Variants in GMFG observed in about 807,000 individuals in gnomAD.
GMFG encodes the protein glia maturation factor gamma.
Under a neutral mutation model 26.1 loss-of-function variants are expected in GMFG, and 21 were observed. The ratio of observed to expected loss-of-function variants is 0.80; its 90% confidence interval spans 0.57 to 1.16. The LOEUF (loss-of-function observed/expected upper bound fraction) is 1.16. Ranked by LOEUF, GMFG falls within the 50% of genes most tolerant of loss-of-function variation. GMFG has a pLI of 0.00. For synonymous variants in GMFG, 65 were observed against 60.8 expected (o/e 1.07, Z -0.32); for missense variants, 161 against 178.3 (o/e 0.90, Z 0.55).
At chr19:39,328,734 C>G (rs2075213735) in intron 6 of GMFG, 186 bp from the exon 7 acceptor site, 2 of 610,714 alleles carry the variant, frequency 3.3e-6, no homozygotes, top group East Asian at 5.6e-5. Context: ...CAAAAAGTAG[C>G]CAGGTGTGGT....
In GMFG at chr19:39,335,823, C is replaced by T. The variant is rs570182585; in HGVS notation, c.3+151G>A. On this transcript the variant is annotated intron_variant, in intron 1 of 6. Coordinates refer to ENST00000597595, the MANE Select transcript of GMFG (RefSeq NM_004877.4). ...GAGCCTAAACCCAGAGCCACTGTCTCTCTGTTCTTCCAGCCGGGCTGTTCA... is the reference window on the plus strand; with the variant it reads ...GAGCCTAAACCCAGAGCCACTGTCTTTCTGTTCTTCCAGCCGGGCTGTTCA... 4.8e-5 allele frequency: 34 copies of T among 704,476 alleles called. No homozygotes were observed. In the East Asian group the frequency reaches 8.9e-4, roughly 18 times the overall value. The allele number at this position is 704,476 out of a possible 1,614,324, so 43.6% of individuals were successfully genotyped here. A position where few individuals can be genotyped will look rare whatever the true frequency, so the allele number is the denominator to read the frequency against.
At chr19:39,331,191 G>A (rs1464061253) in intron 4 of GMFG, among the ~76,000 whole-genome samples, 1 of 152,178 alleles carries the variant, frequency 6.6e-6, no homozygotes, top group Non-Finnish European at 1.5e-5. Context: ...GAAACCCAAG[G>A]ACAGCAGCGG....
At chr19:39,332,432 G>C (rs960352676) in intron 4 of GMFG, among the ~76,000 whole-genome samples, 4 of 151,278 alleles carry the variant, frequency 2.6e-5, no homozygotes, top group African/African-American at 9.7e-5. Flanking sequence ...GCTCCCAAAG[G>C]GCTGAGATTA....
At chr19:39,335,139 C>T in intron 3 of GMFG, 122 bp downstream of exon 3, 1 of 759,682 alleles carries the variant, frequency 1.3e-6, no homozygotes, top group Non-Finnish European at 2.2e-6. Flanking sequence ...GCATGAGCCA[C>T]TGTGCTCGGC....
chr19:39,335,551 A>G lies in GMFG; in HGVS notation c.4-20T>C. On this transcript the variant is annotated intron_variant, in intron 1 of 6. Transcript: ENST00000597595. ...GTCAGACTGCCGGAGGGACCCAGGA[A>G]GAGCTGAAATGGCCTGGCCTCAGCC... 6.4e-7 allele frequency: 1 copy of G among 1,552,388 alleles called. No homozygotes were observed. Among genetic ancestry groups the G allele is most frequent in the South Asian group, 1.1e-5 (1 of 89,836 alleles).
rs1197749299 is a variant in GMFG at position 39,329,014 on chromosome 19, C to G, written c.343G>C (p.Ala115Pro). 1 of 1,612,510 alleles carries G rather than the reference C, an allele frequency of 6.2e-7. No homozygotes were observed. Among genetic ancestry groups the G allele is most frequent in the Middle Eastern group, 1.7e-4 (1 of 6,060 alleles). Residue 115 changes from alanine to proline, a missense_variant, in exon 6 of 7, where the codon GCA (alanine) becomes CCA (proline). Physicochemically the swap from Ala to Pro is conservative, Grantham distance 27 (BLOSUM62 -1). Transcript: ENST00000597595. Reference protein sequence around the residue: ...AGSKNRLVQTAELTKVFEIRT... With the variant: ...AGSKNRLVQTPELTKVFEIRT... ...CCAGTCTGAACCTTTGTGAGCTCTG[C>G]TGTCTGCACCAGCCTGTTTTTACTC...
intron 3 of GMFG, among the ~76,000 whole-genome samples, chr19:39,334,267 CA>C (rs1451428625): frequency 6.6e-6 from 1 of 152,118 alleles, no homozygotes; most frequent in Non-Finnish European, 1.5e-5. Context: ...CCGCCCGCCT[CA>C]GCCTCCCAAA....
chr19:39,334,175 C>A (rs2075239295), intron 3 of GMFG, among the ~76,000 whole-genome samples: 1 of 152,046 alleles, frequency 6.6e-6, no homozygotes. Context: ...CGCCACCACA[C>A]CCAGCTAATT....
At chr19:39,332,955 G>C in intron 4 of GMFG, 122 bp downstream of exon 4, 1 of 591,288 alleles carries the variant, frequency 1.7e-6, no homozygotes, top group South Asian at 1.6e-5. Context: ...CACCTCACTC[G>C]GCCAAACACA....
At chr19:39,334,090 C>T (rs2075238948) in intron 3 of GMFG, among the ~76,000 whole-genome samples, 1 of 142,124 alleles carries the variant, frequency 7.0e-6, no homozygotes, top group Non-Finnish European at 1.5e-5. Context: ...GATCTTGGCT[C>T]ACTGCAAGCT....
In GMFG at chr19:39,335,211, C is replaced by T. The variant is rs746367279; in HGVS notation, c.150+50G>A. 20 of 1,415,586 alleles carry T rather than the reference C, an allele frequency of 1.4e-5. No homozygotes were observed. The Admixed American group carries it at 3.1e-4, about 22-fold the overall frequency. The allele number at this position is 1,415,586 out of a possible 1,614,324, so 87.7% of individuals were successfully genotyped here. ...TCATATCAGTTCCAACCACTTGGTT[C>T]TCCCAGTCTCACCCTGTACCTCCCA... is the stretch of plus-strand genomic sequence containing the variant. On this transcript the variant is annotated intron_variant, in intron 3 of 6. Transcript: ENST00000597595.
At chr19:39,332,316 C>A (rs1230259800) in intron 4 of GMFG, among the ~76,000 whole-genome samples, 2 of 146,130 alleles carry the variant, frequency 1.4e-5, no homozygotes, top group African/African-American at 2.6e-5. Flanking sequence ...GGCAACAGAG[C>A]GAGACTCTGT....
At chr19:39,335,375 C>T in intron 2 of GMFG, 60 bp downstream of exon 2, 1 of 1,588,558 alleles carries the variant, frequency 6.3e-7, no homozygotes, top group Non-Finnish European at 8.6e-7. Context: ...CAAGCCCAGC[C>T]CTCCCTATCT....
chr19:39,330,439 T>C (rs1441241583), intron 4 of GMFG, among the ~76,000 whole-genome samples: 1 of 152,042 alleles, frequency 6.6e-6, no homozygotes, highest in Non-Finnish European at 1.5e-5. Flanking sequence ...TTTTTTTTAC[T>C]GTTATTAGAG....
At chr19:39,328,792 T>C in intron 6 of GMFG, 1 of 613,784 alleles carries the variant, frequency 1.6e-6, no homozygotes. Context: ...GCAGGAGAAT[T>C]GCTTGAACCC....
Position 39,335,537 on chromosome 19 carries a change from G to T in GMFG, c.4-6C>A. 1 of 1,602,206 alleles carries T rather than the reference G, an allele frequency of 6.2e-7. No individual in the cohort carries two copies. The highest frequency in any genetic ancestry group is 1.1e-5 in the South Asian group (1 of 90,822). On this transcript the variant is annotated splice_region_variant and splice_polypyrimidine_tract_variant and intron_variant, in intron 1 of 6. Transcript: ENST00000597595. ...CACACCACCAGGGAGTCAGACTGCCGGAGGGACCCAGGAAGAGCTGAAATG... is the reference window on the plus strand; with the variant it reads ...CACACCACCAGGGAGTCAGACTGCCTGAGGGACCCAGGAAGAGCTGAAATG...
intron 3 of GMFG, among the ~76,000 whole-genome samples, chr19:39,334,817 A>G (rs1406081818): frequency 6.6e-6 from 1 of 152,164 alleles, no homozygotes; most frequent in East Asian, 1.9e-4. Flanking sequence ...TGAGTGAGCT[A>G]GAACTTGATC....
chr19:39,334,556 C>T (rs1447404192), intron 3 of GMFG, among the ~76,000 whole-genome samples: 1 of 152,150 alleles, frequency 6.6e-6, no homozygotes, highest in Admixed American at 6.5e-5. Flanking sequence ...GCATGAGCCA[C>T]CATGCCTGGC....
chr19:39,329,585 C>G lies in GMFG; in HGVS notation c.242G>C (p.Arg81Pro). ...GATGAAACACAAAGGGTAGGACACT[C>G]GGCCATCGTCATGCACGTACTTGTA... ...YSYKYVHDDG[R>P]VSYPLCFIFS... is the part of the protein sequence containing the mutation. The change falls in exon 5 of 7, where the codon CGA (arginine) becomes CCA (proline). Residue 81 changes from arginine to proline, a missense_variant. By Grantham distance (103) the Arg-to-Pro change is moderately radical. Coordinates refer to ENST00000597595, the MANE Select transcript of GMFG (RefSeq NM_004877.4). The G allele has an allele frequency of 6.2e-7, 1 of 1,611,406 alleles. No homozygotes were observed.
Sources: gnomAD v4.1 joint callset for allele counts (sites outside exome capture counted in the v4.1 genomes callset) on GRCh38, gnomAD v4.1.1 for gene constraint, MANE v1.5 for transcripts, NCBI Gene and HGNC (gene_info 2026-07-23, HGNC 2026-07-21) for gene names.